BRD4: variants seen among roughly 807,000 people sequenced by gnomAD.
BRD4 encodes bromodomain-containing protein 4.
BRD4 carries 16 observed loss-of-function variants against 142.1 expected under a neutral mutation model. That is an observed-to-expected ratio of 0.11 (90% CI 0.08 to 0.17). BRD4 has a LOEUF of 0.17. Among genes scored for constraint, BRD4 ranks in the 10% least tolerant of loss-of-function variants. The pLI is 1.00. For synonymous variants in BRD4, 833 were observed against 707.5 expected (o/e 1.18, Z -2.82); for missense variants, 1,424 against 1,810.9 (o/e 0.79, Z 3.88).
Position 15,238,031 on chromosome 19 carries a change from G to A in BRD4, c.*346C>T, listed in dbSNP as rs1026180941. 1.9e-5 allele frequency: 5 copies of A among 257,888 alleles called. No homozygotes were observed. The highest frequency in any genetic ancestry group is 3.0e-5 in the Non-Finnish European group (4 of 134,798). The allele number at this position is 257,888 out of a possible 1,614,324, so 16.0% of individuals were successfully genotyped here. On this transcript the variant is annotated 3_prime_UTR_variant, in exon 20 of 20. Transcript: ENST00000679869. This position sits in a 1 kb window ranked among gnomAD's most constrained non-coding sequence, Gnocchi z 7.2. The stretch of plus-strand genomic sequence containing the variant: ...GAAAACCAGTCACGGCGGCAGCAAC[G>A]ATGTCCTGTGTATACTGTGTAGACA...
intron 11 of BRD4, among the ~76,000 whole-genome samples, chr19:15,251,050 T>C (rs982216196): frequency 1.8e-4 from 27 of 152,142 alleles, no homozygotes; most frequent in African/African-American, 6.5e-4. Flanking sequence ...ATAGCTGGAA[T>C]CAGAGGAAGT....
At chr19:15,277,682 CA>C (rs1262992637) in intron 1 of BRD4, among the ~76,000 whole-genome samples, 1 of 150,004 alleles carries the variant, frequency 6.7e-6, no homozygotes, top group East Asian at 2.0e-4. Flanking sequence ...CCCAGCTACT[CA>C]GGAGGCTGAG....
chr19:15,259,831 G>C (rs908347892), intron 7 of BRD4, among the ~76,000 whole-genome samples: 13 of 152,358 alleles, frequency 8.5e-5, no homozygotes, highest in South Asian at 2.1e-4. Flanking sequence ...TGGGCAGCAA[G>C]GGGTTGCCAT....
chr19:15,292,795 AAAAAAAAAAAAAAAAAAAAAGAAAG>A (rs2047793269), intron 1 of BRD4, among the ~76,000 whole-genome samples: 2 of 45,432 alleles, frequency 4.4e-5, no homozygotes, highest in Non-Finnish European at 9.1e-5. Flanking sequence ...AAAAAAAAAA[AAAAAAAAAAAAAAAAAAAAAGAAAG>A]AAAGAAAGAA....
rs1229253526 is a variant in BRD4, at chr19:15,272,963, G to A, written c.137C>T (p.Pro46Leu). The change falls in exon 2 of 20, where the codon CCG (proline) becomes CTG (leucine). Residue 46 changes from proline to leucine, a missense_variant. Pro to Leu is a moderately conservative substitution (Grantham distance 98). This residue lies in a region of BRD4 where 70 missense variants were observed against 69.8 expected (regional missense o/e 1.00). Transcript: ENST00000679869. The stretch of plus-strand genomic sequence containing the variant: ...GTTAGGGTTGGAGGTCTCTGGGGGC[G>A]GGGGGTTGGTGCTGGCTGCGTTGGC... ...QPANAASTNP[P>L]PPETSNPNKP... The A allele has an allele frequency of 1.2e-6, 2 of 1,614,074 alleles. No individual in the cohort carries two copies. The highest frequency in any genetic ancestry group is 1.7e-6 in the Non-Finnish European group (2 of 1,180,034).
In BRD4 at chr19:15,238,169, G is replaced by A. The variant is rs202015466; in HGVS notation, c.*208C>T. The A allele has an allele frequency of 3.8e-5, 27 of 711,370 alleles. No homozygotes were observed. The highest frequency in any genetic ancestry group is 5.7e-5 in the Non-Finnish European group (25 of 440,324). The allele number at this position is 711,370 out of a possible 1,614,324, so 44.1% of individuals were successfully genotyped here. ...AGCGGACGTCCTGTGAGGGGTGGTG[G>A]GTGGCGGGACGTCTGTCCGACTGGC... is the stretch of plus-strand genomic sequence containing the variant. On this transcript the variant is annotated 3_prime_UTR_variant, in exon 20 of 20. Coordinates refer to ENST00000679869, the MANE Select transcript of BRD4 (RefSeq NM_001379291.1). The surrounding 1 kb of genome is among the most constrained non-coding windows in gnomAD (Gnocchi z 7.2).
At chr19:15,285,656 A>C (rs922481157) in intron 1 of BRD4, among the ~76,000 whole-genome samples, 6 of 152,212 alleles carry the variant, frequency 3.9e-5, no homozygotes, top group African/African-American at 1.4e-4. Context: ...AGAATGAAAA[A>C]ATTTTAAAAA....
chr19:15,296,997 C>T (rs2047828486), intron 1 of BRD4, among the ~76,000 whole-genome samples: 2 of 152,188 alleles, frequency 1.3e-5, no homozygotes, highest in Non-Finnish European at 2.9e-5. Context: ...TCAGATCCTG[C>T]CCCTGGGCAG....
chr19:15,296,375 C>T (rs2047823057), intron 1 of BRD4, among the ~76,000 whole-genome samples: 2 of 152,210 alleles, frequency 1.3e-5, no homozygotes, highest in South Asian at 2.1e-4. Context: ...CAGCATCTAC[C>T]ACACTGTAAT....
chr19:15,308,370 C>CCCTT (rs1568406820), intron 1 of BRD4, among the ~76,000 whole-genome samples: 1 of 151,080 alleles, frequency 6.6e-6, no homozygotes, highest in African/African-American at 2.4e-5. Flanking sequence ...GGGTGAATTA[C>CCCTT]GATGTCAGGA....
chr19:15,265,773 C>A, intron 4 of BRD4, 130 bp from the exon 5 acceptor site: 1 of 995,392 alleles, frequency 1.0e-6, no homozygotes, highest in African/African-American at 1.6e-5. Context: ...AGACGAACAT[C>A]CCAGACTCCA....
chr19:15,285,599 A>G (rs957625608), intron 1 of BRD4, among the ~76,000 whole-genome samples: 2 of 152,218 alleles, frequency 1.3e-5, no homozygotes, highest in South Asian at 2.1e-4. Flanking sequence ...ATGTAGAAAT[A>G]AGGTGCATCA....
At chr19:15,253,697 G>A (rs761716135) in intron 11 of BRD4, 22 of 1,598,314 alleles carry the variant, frequency 1.4e-5, no homozygotes, top group East Asian at 1.1e-4. Context: ...AGAAACCAGC[G>A]AAGCATCTCC....
intron 11 of BRD4, chr19:15,253,291 C>T: frequency 1.8e-6 from 1 of 549,738 alleles, no homozygotes; most frequent in Non-Finnish European, 3.2e-6. Flanking sequence ...CCTAGCCTCT[C>T]CCCTGCGCCA....
chr19:15,325,606 T>C (rs1362560958), intron 1 of BRD4, among the ~76,000 whole-genome samples: 4 of 152,156 alleles, frequency 2.6e-5, no homozygotes, highest in African/African-American at 9.7e-5. Flanking sequence ...AACAAGACCC[T>C]GTCAAGCTCT....
chr19:15,330,573 C>A (rs1312596896), intron 1 of BRD4, among the ~76,000 whole-genome samples: 1 of 152,126 alleles, frequency 6.6e-6, no homozygotes, highest in African/African-American at 2.4e-5. Flanking sequence ...CGAGACCAGC[C>A]TGGCCAACAT....
chr19:15,297,467 CAG>C (rs1402331990), intron 1 of BRD4, among the ~76,000 whole-genome samples: 3 of 152,210 alleles, frequency 2.0e-5, no homozygotes, highest in African/African-American at 7.2e-5. Flanking sequence ...CCTGGCTTCA[CAG>C]AGTTTTAAAA....
At chr19:15,274,267 G>C (rs1425218726) in intron 1 of BRD4, among the ~76,000 whole-genome samples, 3 of 152,194 alleles carry the variant, frequency 2.0e-5, no homozygotes, top group Non-Finnish European at 4.4e-5. Context: ...AAGGAAACAA[G>C]TCAGTGGGGT....
intron 11 of BRD4, chr19:15,249,143 C>T: frequency 6.9e-7 from 1 of 1,445,566 alleles, no homozygotes; most frequent in Non-Finnish European, 9.5e-7. Flanking sequence ...CCCCGGGGGA[C>T]AGGCCCAGGG....
Sources: gnomAD v4.1 joint callset for allele counts (sites outside exome capture counted in the v4.1 genomes callset) on GRCh38, gnomAD v4.1.1 for gene constraint, gnomAD v4.1.1 regional missense constraint, Gnocchi (gnomAD v3.1) non-coding constraint, MANE v1.5 for transcripts, NCBI Gene and HGNC (gene_info 2026-07-23, HGNC 2026-07-21) for gene names.